BTBD7: variants seen among roughly 807,000 people sequenced by gnomAD.
The protein encoded by BTBD7 is BTB domain containing 7.
A neutral mutation model predicts 99.9 loss-of-function variants in BTBD7; 38 were observed. The observed-to-expected ratio is 0.38, with a 90% confidence interval of 0.29 to 0.50. The LOEUF is 0.50. BTBD7 is among the 20% of genes least tolerant of loss of function. The probability of loss-of-function intolerance (pLI) is 0.93; values close to 1 mark genes in which losing one functional copy is unlikely to be tolerated. For synonymous variants in BTBD7, 520 were observed against 511.4 expected (o/e 1.02, Z -0.23); for missense variants, 1,170 against 1,394.6 (o/e 0.84, Z 2.57).
chr14:93,244,515 G>GGT (rs1182918888), intron 10 of BTBD7, among the ~76,000 whole-genome samples: 1 of 152,142 alleles, frequency 6.6e-6, no homozygotes, highest in Admixed American at 6.5e-5. Flanking sequence ...CGGGCGTGGT[G>GGT]GTGCGTGCCT....
intron 3 of BTBD7, 52 bp from the exon 4 acceptor site, chr14:93,264,045 G>A: frequency 1.3e-6 from 2 of 1,492,634 alleles, no homozygotes; most frequent in Non-Finnish European, 1.9e-6. Context: ...ATTACTTATT[G>A]AACATTAGTG....
chr14:93,307,215 GC>G (rs1402545337), intron 1 of BTBD7, among the ~76,000 whole-genome samples: 2 of 152,172 alleles, frequency 1.3e-5, no homozygotes, highest in African/African-American at 2.4e-5. Context: ...AGGCTGAAGT[GC>G]AGTGGCACAA....
chr14:93,244,475 C>T (rs938932853), intron 10 of BTBD7, among the ~76,000 whole-genome samples: 5 of 152,050 alleles, frequency 3.3e-5, no homozygotes, highest in African/African-American at 1.2e-4. Flanking sequence ...ATGGTGAAAA[C>T]TCATCTCTAC....
intron 1 of BTBD7, among the ~76,000 whole-genome samples, chr14:93,304,097 A>T (rs1595331768): frequency 6.6e-6 from 1 of 152,198 alleles, no homozygotes; most frequent in South Asian, 2.1e-4. Context: ...AATTATTATG[A>T]GGCCCTGCAA....
At chr14:93,301,258 C>T (rs1472983925) in intron 1 of BTBD7, among the ~76,000 whole-genome samples, 1 of 151,642 alleles carries the variant, frequency 6.6e-6, no homozygotes, top group African/African-American at 2.4e-5. Context: ...GTAGTGCGAT[C>T]TCAGCTCACT....
At chr14:93,305,946 A>AT (rs1320006187) in intron 1 of BTBD7, among the ~76,000 whole-genome samples, 2 of 152,270 alleles carry the variant, frequency 1.3e-5, no homozygotes, top group Middle Eastern at 3.4e-3. Flanking sequence ...CACCAGCCCC[A>AT]TTATGGTGGC....
At chr14:93,308,655 T>A (rs2053100203) in intron 1 of BTBD7, among the ~76,000 whole-genome samples, 1 of 152,070 alleles carries the variant, frequency 6.6e-6, no homozygotes, top group African/African-American at 2.4e-5. Flanking sequence ...ATACATAGAG[T>A]AGATTATTCA....
chr14:93,319,951 T>C (rs781090399), intron 1 of BTBD7, among the ~76,000 whole-genome samples: 10 of 152,090 alleles, frequency 6.6e-5, no homozygotes, highest in Non-Finnish European at 1.0e-4. Flanking sequence ...ATTGTCCAAC[T>C]AGGTAGAACT....
chr14:93,271,314 A>G (rs548284401), intron 3 of BTBD7, among the ~76,000 whole-genome samples: 51 of 152,172 alleles, frequency 3.4e-4, no homozygotes, highest in Non-Finnish European at 7.1e-4. Context: ...CATGTCCATC[A>G]GGAAATATAT....
chr14:93,245,686 C>G, intron 10 of BTBD7, 139 bp downstream of exon 10: 1 of 1,435,430 alleles, frequency 7.0e-7, no homozygotes, highest in Non-Finnish European at 9.3e-7. Context: ...CTTTTCCATA[C>G]CCCTCAAGTC....
At chr14:93,306,253 G>A (rs1346319520) in intron 1 of BTBD7, among the ~76,000 whole-genome samples, 2 of 152,220 alleles carry the variant, frequency 1.3e-5, no homozygotes, top group East Asian at 3.9e-4. Flanking sequence ...AAGCATATAG[G>A]AGAAGCAATT....
rs142773665 is a variant in BTBD7 at position 93,302,569 on chromosome 14, G to A, written c.-106-6412C>T. 2.1e-3 allele frequency among the ~76,000 whole-genome samples: 323 copies of A among 152,236 alleles called. 5 individuals carry two copies. In the East Asian group the frequency reaches 0.024, roughly 11 times the overall value. On this transcript the variant is annotated intron_variant, in intron 1 of 10. Coordinates refer to ENST00000334746, the MANE Select transcript of BTBD7 (RefSeq NM_001002860.4). The stretch of plus-strand genomic sequence containing the variant: ...AAAGTTTTAAAAGAAATAAAGGGCC[G>A]GGAGCGATGGCTCAAGCCTGTAATC...
At chr14:93,283,259 T>C (rs1275429964) in intron 3 of BTBD7, among the ~76,000 whole-genome samples, 2 of 152,154 alleles carry the variant, frequency 1.3e-5, no homozygotes, top group African/African-American at 4.8e-5. Flanking sequence ...TTCTATTCTT[T>C]TTAGAGACGT....
At chr14:93,324,636 C>T (rs2053307772) in intron 1 of BTBD7, among the ~76,000 whole-genome samples, 1 of 152,186 alleles carries the variant, frequency 6.6e-6, no homozygotes, top group Non-Finnish European at 1.5e-5. Context: ...CCCAAGACAG[C>T]TGTCGGTAGC....
intron 3 of BTBD7, among the ~76,000 whole-genome samples, chr14:93,283,851 C>T (rs761138973): frequency 4.6e-5 from 7 of 152,144 alleles, no homozygotes; most frequent in African/African-American, 7.2e-5. Flanking sequence ...TGCACCAGGC[C>T]AATACAATGT....
chr14:93,283,056 T>C (rs768123582), intron 3 of BTBD7, among the ~76,000 whole-genome samples: 19 of 152,228 alleles, frequency 1.2e-4, no homozygotes, highest in Non-Finnish European at 1.8e-4. Flanking sequence ...AGCTTCTAAC[T>C]AAACTTTGTA....
In BTBD7 at chr14:93,300,750, GTGTGTGTGTGTGTGTGTGTGTGTATATA is replaced by G. The variant is rs1566857073; in HGVS notation, c.-106-4621_-106-4594del. On this transcript the variant is annotated intron_variant, in intron 1 of 10. Coordinates refer to ENST00000334746, the MANE Select transcript of BTBD7 (RefSeq NM_001002860.4). ...TGTGTGTGTGTGTGTGTGTGTGTGTGTGTGTGTGTGTGTGTGTGTGTGTATATATATATATATTTTTTTTTTGTAGAGA... is the reference window on the plus strand; with the variant it reads ...TGTGTGTGTGTGTGTGTGTGTGTGTGTATATATATTTTTTTTTTGTAGAGA... Among the ~76,000 whole-genome samples, 142 of 80,386 alleles carry G rather than the reference GTGTGTGTGTGTGTGTGTGTGTGTATATA, an allele frequency of 1.8e-3. 2 individuals carry two copies. Among genetic ancestry groups the G allele is most frequent in the Non-Finnish European group, 2.3e-3 (98 of 43,546 alleles). 52.7% of individuals were successfully genotyped at this position (80,386 alleles called of 152,430 possible). A position where few individuals can be genotyped will look rare whatever the true frequency, so the allele number is the denominator to read the frequency against.
At chr14:93,244,082 A>G (rs2052271155) in intron 10 of BTBD7, 3 of 470,758 alleles carry the variant, frequency 6.4e-6, no homozygotes, top group Non-Finnish European at 1.3e-5. Context: ...AAAGTGACAC[A>G]GTAGAGGAAG....
At position 93,242,181 on chromosome 14, in the gene BTBD7, G is replaced by T; in HGVS notation, c.*92C>A. On this transcript the variant is annotated 3_prime_UTR_variant, in exon 11 of 11. Coordinates refer to ENST00000334746, the MANE Select transcript of BTBD7 (RefSeq NM_001002860.4). ...AAAATCATGTGAAACCGAGTTATCA[G>T]CTGGCATTGATGAACTGGTCTGTAA... The T allele has an allele frequency of 8.9e-7, 1 of 1,129,888 alleles. No individual in the cohort carries two copies. The highest frequency in any genetic ancestry group is 1.3e-6 in the Non-Finnish European group (1 of 782,938). 70.0% of individuals were successfully genotyped at this position (1,129,888 alleles called of 1,614,324 possible).
Sources: allele counts gnomAD v4.1 joint callset (sites outside exome capture counted in the v4.1 genomes callset), GRCh38; gene constraint gnomAD v4.1.1; transcripts MANE v1.5; gene names NCBI Gene and HGNC (gene_info 2026-07-23, HGNC 2026-07-21).